Variants in MYOM3 observed in about 807,000 individuals in gnomAD.
The protein encoded by MYOM3 is myomesin 3.
Under a neutral mutation model 191.7 loss-of-function variants are expected in MYOM3, and 155 were observed. The ratio of observed to expected loss-of-function variants is 0.81; its 90% CI spans 0.71 to 0.92. The LOEUF is 0.92. Among genes scored for constraint, MYOM3 ranks in the 40% least tolerant of loss-of-function variants. The probability of loss-of-function intolerance (pLI) is 0.00; values close to 1 mark genes in which losing one functional copy is unlikely to be tolerated. For missense variants in MYOM3, 1,889 were observed against 1,890.6 expected (o/e 1.00, Z 0.02); for synonymous variants, 757 against 762.9 (o/e 0.99, Z 0.13).
Position 24,057,277 on chromosome 1 carries a change from G to T in MYOM3, c.*87C>A. 1 of 1,396,582 alleles carries T rather than the reference G, an allele frequency of 7.2e-7. No homozygotes were observed. Among genetic ancestry groups the T allele is most frequent in the Non-Finnish European group, 9.9e-7 (1 of 1,011,102 alleles). The allele number at this position is 1,396,582 out of a possible 1,614,324, so 86.5% of individuals were successfully genotyped here. A position where few individuals can be genotyped will look rare whatever the true frequency, so the allele number is the denominator to read the frequency against. ...TCCCCTTTCCTTCTGCCCCACCCCT[G>T]TAGCCTGTGCCAGGCTGTGACCCTG... On this transcript the variant is annotated 3_prime_UTR_variant, in exon 37 of 37. Coordinates refer to ENST00000374434, the MANE Select transcript of MYOM3 (RefSeq NM_152372.4).
At chr1:24,107,941 A>T (rs1643998291) in intron 3 of MYOM3, 52 bp downstream of exon 3, 1 of 1,509,618 alleles carries the variant, frequency 6.6e-7, no homozygotes, top group Non-Finnish European at 9.1e-7. Flanking sequence ...CGGGGACTGG[A>T]CAGGATGGCC....
In MYOM3 at chr1:24,104,951, A is replaced by T. The variant is rs187731970; in HGVS notation, c.560+969T>A. On this transcript the variant is annotated intron_variant, in intron 5 of 36. Transcript: ENST00000374434. ...CAGGGTACTGGGCAATGGGCCTTAG[A>T]CCCAGGGGGATCTCAGGAAAGAGTA... is the stretch of plus-strand genomic sequence containing the variant. Among the ~76,000 whole-genome samples, 551 of 152,248 alleles carry T rather than the reference A, an allele frequency of 3.6e-3. 5 individuals carry two copies. The highest frequency in any genetic ancestry group is 0.027 in the Middle Eastern group (8 of 294).
intron 1 of MYOM3, 62 bp from the exon 2 acceptor site, chr1:24,108,716 C>G: frequency 7.8e-7 from 1 of 1,289,106 alleles, no homozygotes; most frequent in Non-Finnish European, 1.1e-6. Flanking sequence ...CCCATGCAGT[C>G]TTCCCAACAT....
chr1:24,063,959 G>T lies in MYOM3; in HGVS notation c.3622+113C>A. The T allele has an allele frequency of 1.2e-6, 1 of 824,518 alleles. No homozygotes were observed. Among genetic ancestry groups the T allele is most frequent in the Non-Finnish European group, 2.0e-6 (1 of 507,760 alleles). 51.1% of individuals were successfully genotyped at this position (824,518 alleles called of 1,614,324 possible). A position where few individuals can be genotyped will look rare whatever the true frequency, so the allele number is the denominator to read the frequency against. Reference sequence around the variant, plus strand: ...TGGGCAAGTTACTTAATCTCTTTGTGCCTCAATTTCTCCAAGTGACATGGG... The same window carrying T: ...TGGGCAAGTTACTTAATCTCTTTGTTCCTCAATTTCTCCAAGTGACATGGG... On this transcript the variant is annotated intron_variant, in intron 30 of 36. Transcript: ENST00000374434. The surrounding 1 kb of genome is among the most constrained non-coding windows in gnomAD (Gnocchi z 4.5).
In MYOM3 at chr1:24,082,699, C is replaced by A. The variant is rs1268962180; in HGVS notation, c.1986G>T (p.Gly662=). Residue 662 remains glycine, a synonymous_variant, in exon 17 of 37, where the codon GGG becomes GGT. Transcript: ENST00000374434. ...PIQGTRFTVP[G]LRTGKEYEFC... Reference sequence around the variant, plus strand: ...ACTCGTACTCCTTCCCCGTCCTCAGCCCGGGAACTGTAAACCTGGGAGAGA... The same window carrying A: ...ACTCGTACTCCTTCCCCGTCCTCAGACCGGGAACTGTAAACCTGGGAGAGA... The A allele has an allele frequency of 8.1e-6, 13 of 1,608,404 alleles. No individual in the cohort carries two copies. The highest frequency in any genetic ancestry group is 1.3e-5 in the African/African-American group (1 of 74,642).
chr1:24,074,695 C>A (rs1450868293), intron 22 of MYOM3, among the ~76,000 whole-genome samples: 2 of 152,240 alleles, frequency 1.3e-5, no homozygotes, highest in Non-Finnish European at 2.9e-5. Context: ...AAGTCCCTGG[C>A]AGCCAGGCTA....
chr1:24,075,310 C>T lies in MYOM3; in HGVS notation c.2858+9G>A, dbSNP rs528603097. 1.1e-5 allele frequency: 18 copies of T among 1,611,732 alleles called. No individual in the cohort carries two copies. The highest frequency in any genetic ancestry group is 5.3e-5 in the African/African-American group (4 of 74,820). ...GTTGAGCAGTTGTTTCTCCTCTCGC[C>T]TCACTTACTTGTTAACTTTATCCTC... On this transcript the variant is annotated intron_variant, in intron 22 of 36. Transcript: ENST00000374434.
At chr1:24,068,105 A>T (rs1047639241) in intron 26 of MYOM3, 76 bp from the exon 27 acceptor site, 1 of 1,551,500 alleles carries the variant, frequency 6.4e-7, no homozygotes, top group Admixed American at 1.7e-5. Flanking sequence ...GGTGGACAGA[A>T]GTCGAGGGGG....
At chr1:24,082,450 C>A in intron 17 of MYOM3, 143 bp downstream of exon 17, 1 of 1,198,580 alleles carries the variant, frequency 8.3e-7, no homozygotes, top group South Asian at 1.7e-5. Flanking sequence ...AAGGAAAGGG[C>A]AGCCAGGGCC....
At position 24,111,747 on chromosome 1, in the gene MYOM3, T is replaced by A. The variant is rs1349135626; in HGVS notation, c.-19+284A>T. 6.6e-6 allele frequency among the ~76,000 whole-genome samples: 1 copy of A among 151,916 alleles called. No individual in the cohort carries two copies. The highest frequency in any genetic ancestry group is 1.5e-5 in the Non-Finnish European group (1 of 67,956). On this transcript the variant is annotated intron_variant, in intron 1 of 36. Coordinates refer to ENST00000374434, the MANE Select transcript of MYOM3 (RefSeq NM_152372.4). The surrounding 1 kb of genome is among the most constrained non-coding windows in gnomAD (Gnocchi z 4.7). ...TTCCCAGGGCAGCCCCCACTCTTTT[T>A]TTTTTTTTTGCAACTTTCACATCAC...
Position 24,107,107 on chromosome 1 carries a change from C to T in MYOM3, c.368G>A (p.Arg123His), listed in dbSNP as rs773447956. 1.8e-5 allele frequency: 29 copies of T among 1,611,350 alleles called. No individual in the cohort carries two copies. The highest frequency in any genetic ancestry group is 1.1e-4 in the East Asian group (5 of 44,782). Reference protein sequence around the residue: ...IAFLQTHRLLRQRRDWKTLRR... With the variant: ...IAFLQTHRLLHQRRDWKTLRR... ...CAGCGTCTTCCAGTCCCGCCTCTGGCGCAGCAGCCGGTGGGTCTGCAGGAA... is the reference window on the plus strand; with the variant it reads ...CAGCGTCTTCCAGTCCCGCCTCTGGTGCAGCAGCCGGTGGGTCTGCAGGAA... Residue 123 changes from arginine (R) to histidine (H), a missense_variant, in exon 4 of 37, where the codon CGC becomes CAC. By Grantham distance (29) the Arg-to-His change is conservative (BLOSUM62 0). Coordinates refer to ENST00000374434, the MANE Select transcript of MYOM3 (RefSeq NM_152372.4).
At chr1:24,081,972 C>A in intron 18 of MYOM3, 29 bp downstream of exon 18, 2 of 1,588,134 alleles carry the variant, frequency 1.3e-6, no homozygotes, top group Non-Finnish European at 1.7e-6. Context: ...CAAGTCATGA[C>A]ACAGGCTGGG....
At chr1:24,071,045 G>A (rs1428256092) in intron 25 of MYOM3, 72 bp downstream of exon 25, 3 of 1,558,628 alleles carry the variant, frequency 1.9e-6, no homozygotes, top group Non-Finnish European at 2.6e-6. Flanking sequence ...CAGCCCATGC[G>A]GAATCACCAT....
rs201010210 is a variant in MYOM3, at chr1:24,068,280, C to T, written c.3238G>A (p.Ala1080Thr). The change falls in exon 26 of 37, where the codon GCT becomes ACT. Residue 1080 changes from alanine (A) to threonine (T), a missense_variant. Coordinates refer to ENST00000374434, the MANE Select transcript of MYOM3 (RefSeq NM_152372.4). ...LSEEDKGSYTAQLQDGKAKNQ... is the reference protein window; with the variant it reads ...LSEEDKGSYTTQLQDGKAKNQ... ...TTGGCTTTTCCATCTTGGAGTTGAG[C>T]GGTGTACGACCCTTTGTCCTCCTCA... is the stretch of plus-strand genomic sequence containing the variant. 1.8e-4 allele frequency: 293 copies of T among 1,614,036 alleles called. No homozygotes were observed. Among genetic ancestry groups the T allele is most frequent in the Admixed American group, 4.2e-4 (25 of 60,006 alleles).
intron 6 of MYOM3, among the ~76,000 whole-genome samples, chr1:24,098,553 G>A (rs1314875623): frequency 6.6e-6 from 1 of 152,230 alleles, no homozygotes; most frequent in Non-Finnish European, 1.5e-5. Flanking sequence ...CATCCCAGGG[G>A]CACCCTGGTG....
At chr1:24,068,537 G>A (rs534448414) in intron 25 of MYOM3, among the ~76,000 whole-genome samples, 170 bp from the exon 26 acceptor site, 3 of 151,922 alleles carry the variant, frequency 2.0e-5, no homozygotes, top group African/African-American at 4.8e-5. Context: ...CTAGTCCCCC[G>A]GGGTGCTTGA....
Position 24,099,660 on chromosome 1 carries a change from C to T in MYOM3, c.656+20G>A. On this transcript the variant is annotated intron_variant, in intron 6 of 36. Coordinates refer to ENST00000374434, the MANE Select transcript of MYOM3 (RefSeq NM_152372.4). ...TGGCAGGGTCTGGGGTCATAGGTCT[C>T]TCCAGGTCTCCAGTCTCACCTCCTA... 1.3e-6 allele frequency: 2 copies of T among 1,597,812 alleles called. No homozygotes were observed. The highest frequency in any genetic ancestry group is 1.7e-6 in the Non-Finnish European group (2 of 1,165,262).
At chr1:24,066,886 T>C in intron 28 of MYOM3, 135 bp downstream of exon 28, 1 of 794,176 alleles carries the variant, frequency 1.3e-6, no homozygotes, top group South Asian at 2.0e-5. Context: ...TCGGGGGTAC[T>C]TTCTGTGTGT....
rs749293519 is a variant in MYOM3, at chr1:24,081,366, G to T, written c.2371C>A (p.Leu791Met). ...ATTGTCCACTCTTTGCACTCAAACA[G>T]GCTGCTGGGTGCCGACAGCTCGCCA... ...GVGELSAPSS[L>M]FECKEWTMPQ... Residue 791 changes from leucine to methionine, a missense_variant, in exon 19 of 37, where the codon CTG (leucine) becomes ATG (methionine). Transcript: ENST00000374434. 1.2e-6 allele frequency: 2 copies of T among 1,614,148 alleles called. No individual in the cohort carries two copies. The highest frequency in any genetic ancestry group is 2.2e-5 in the South Asian group (2 of 91,076).
Sources: allele counts gnomAD v4.1 joint callset (sites outside exome capture counted in the v4.1 genomes callset), GRCh38; gene constraint gnomAD v4.1.1; non-coding constraint Gnocchi (gnomAD v3.1); transcripts MANE v1.5; gene names NCBI Gene and HGNC (gene_info 2026-07-23, HGNC 2026-07-21).